Variants in EYA1 observed in about 807,000 individuals in gnomAD.
EYA1 encodes the protein EYA transcriptional coactivator and phosphatase 1.
A neutral mutation model predicts 82.0 loss-of-function variants in EYA1; 16 were observed. That is an observed-to-expected ratio of 0.20 (90% CI 0.13 to 0.30). The LOEUF (loss-of-function observed/expected upper bound fraction) is 0.30. EYA1 is among the 10% of genes least tolerant of loss of function. The pLI, the probability that EYA1 is intolerant of heterozygous loss-of-function variation, is 1.00. For missense variants in EYA1, 633 were observed against 730.7 expected (o/e 0.87, Z 1.54); for synonymous variants, 261 against 264.4 (o/e 0.99, Z 0.12).
chr8:71,467,969 G>T (rs756918017), intron 2 of EYA1, among the ~76,000 whole-genome samples: 2 of 152,116 alleles, frequency 1.3e-5, no homozygotes, highest in Non-Finnish European at 2.9e-5. Flanking sequence ...AAAGGTGTCT[G>T]TAATCCTGAC....
chr8:71,407,148 C>G (rs1186201399), intron 2 of EYA1, among the ~76,000 whole-genome samples: 160 of 135,804 alleles, frequency 1.2e-3, no homozygotes, highest in African/African-American at 4.2e-3. Flanking sequence ...TTCCAACAGA[C>G]CTGCAGCTGA....
At chr8:71,517,951 T>A (rs551832400) in intron 2 of EYA1, among the ~76,000 whole-genome samples, 151 of 151,998 alleles carry the variant, frequency 9.9e-4, no homozygotes, top group African/African-American at 3.4e-3. Flanking sequence ...CAATGTTTTT[T>A]AATCATAAAT....
intron 2 of EYA1, among the ~76,000 whole-genome samples, chr8:71,464,686 G>T (rs1384219714): frequency 2.0e-5 from 3 of 152,188 alleles, no homozygotes; most frequent in East Asian, 3.9e-4. Flanking sequence ...TATAATTTGA[G>T]ATTTCTAATC....
intron 4 of EYA1, chr8:71,323,865 A>T (rs1363162826): frequency 2.0e-5 from 3 of 152,268 alleles, no homozygotes; most frequent in African/African-American, 7.2e-5. Flanking sequence ...CACTTGGACT[A>T]TGAGCACTAC....
chr8:71,294,903 G>A (rs954330872), intron 9 of EYA1, among the ~76,000 whole-genome samples: 3 of 152,096 alleles, frequency 2.0e-5, no homozygotes, highest in Non-Finnish European at 2.9e-5. Flanking sequence ...ATGGATCAAT[G>A]GAACAGAAGA....
At chr8:71,440,070 G>C (rs1380611132) in intron 2 of EYA1, among the ~76,000 whole-genome samples, 1 of 152,196 alleles carries the variant, frequency 6.6e-6, no homozygotes, top group Non-Finnish European at 1.5e-5. Context: ...TGACGTGCTA[G>C]TGGACGTTTT....
chr8:71,474,514 T>C (rs1301643235), intron 2 of EYA1, among the ~76,000 whole-genome samples: 1 of 152,126 alleles, frequency 6.6e-6, no homozygotes, highest in African/African-American at 2.4e-5. Flanking sequence ...ATTATCAAGA[T>C]CACAACTATC....
intron 2 of EYA1, among the ~76,000 whole-genome samples, chr8:71,367,823 T>G (rs570774098): frequency 6.6e-6 from 1 of 152,190 alleles, no homozygotes; most frequent in Non-Finnish European, 1.5e-5. Context: ...TACTATGGTG[T>G]GAGGGTTAAA....
At chr8:71,230,116 T>C (rs1310072104) in intron 12 of EYA1, among the ~76,000 whole-genome samples, 1 of 152,014 alleles carries the variant, frequency 6.6e-6, no homozygotes, top group African/African-American at 2.4e-5. Flanking sequence ...TTAAACACAT[T>C]TTGGGGAAGT....
intron 4 of EYA1, among the ~76,000 whole-genome samples, chr8:71,322,855 C>T (rs1822736798): frequency 6.6e-6 from 1 of 152,116 alleles, no homozygotes; most frequent in Non-Finnish European, 1.5e-5. Flanking sequence ...CAAGCTAAGC[C>T]TGTTTTTTCC....
In EYA1 at chr8:71,396,805, A is replaced by C. The variant is rs551813958; in HGVS notation, c.34-40294T>G. ...GAGTTCTGTAGATGTCTGCTAGGTCATCTTGGTGCAGAGCTGAGTTCAATT... is the reference window on the plus strand; with the variant it reads ...GAGTTCTGTAGATGTCTGCTAGGTCCTCTTGGTGCAGAGCTGAGTTCAATT... On this transcript the variant is annotated intron_variant, in intron 2 of 18. Transcript: ENST00000643681. Among the ~76,000 whole-genome samples, 499 of 152,214 alleles carry C rather than the reference A, an allele frequency of 3.3e-3. 2 individuals are homozygous for C. The highest frequency in any genetic ancestry group is 4.0e-3 in the Non-Finnish European group (271 of 68,008).
At chr8:71,494,022 C>CAAAAAAAA (rs34340467) in intron 2 of EYA1, among the ~76,000 whole-genome samples, 3,177 of 41,778 alleles carry the variant, frequency 0.076, 351 homozygotes, top group Non-Finnish European at 0.12. Flanking sequence ...GACTCCGTCT[C>CAAAAAAAA]AAAAAAAAAA....
chr8:71,202,272 C>A (rs1807130440), intron 17 of EYA1, among the ~76,000 whole-genome samples: 1 of 151,906 alleles, frequency 6.6e-6, no homozygotes, highest in African/African-American at 2.4e-5. Flanking sequence ...CCAGCTACTT[C>A]TTTGGTACAT....
chr8:71,470,902 C>T (rs746020717), intron 2 of EYA1: 20 of 454,312 alleles, frequency 4.4e-5, no homozygotes, highest in Admixed American at 1.4e-4. Flanking sequence ...CTCCAAATGT[C>T]GTAACATATT....
chr8:71,256,318 G>A (rs1814409645), intron 11 of EYA1, among the ~76,000 whole-genome samples: 1 of 152,048 alleles, frequency 6.6e-6, no homozygotes, highest in African/African-American at 2.4e-5. Context: ...ACCATTGATA[G>A]ATATATCAAA....
chr8:71,357,015 G>A (rs1428171975), intron 1 of EYA1, among the ~76,000 whole-genome samples: 1 of 152,158 alleles, frequency 6.6e-6, no homozygotes, highest in African/African-American at 2.4e-5. Flanking sequence ...TTATCATAAT[G>A]GTTTTCTCCT....
intron 2 of EYA1, among the ~76,000 whole-genome samples, chr8:71,504,431 A>G (rs754403700): frequency 6.6e-6 from 1 of 152,206 alleles, no homozygotes; most frequent in Non-Finnish European, 1.5e-5. Context: ...CACCTAATCC[A>G]TGATCCATTA....
intron 2 of EYA1, among the ~76,000 whole-genome samples, chr8:71,473,309 A>G (rs1809375065): frequency 6.6e-6 from 1 of 151,712 alleles, no homozygotes; most frequent in Admixed American, 6.6e-5. Context: ...TCCATCTGAC[A>G]AAGGGCTAAT....
intron 2 of EYA1, among the ~76,000 whole-genome samples, chr8:71,492,745 G>A (rs1222731004): frequency 4.6e-5 from 7 of 152,176 alleles, no homozygotes; most frequent in African/African-American, 2.4e-5. Flanking sequence ...GATTACAGGC[G>A]TGAGCCACTG....
Sources: gnomAD v4.1 joint callset for allele counts (sites outside exome capture counted in the v4.1 genomes callset) on GRCh38, gnomAD v4.1.1 for gene constraint, MANE v1.5 for transcripts, NCBI Gene and HGNC (gene_info 2026-07-23, HGNC 2026-07-21) for gene names.